The following WARS2 variants were observed in gnomAD, a reference collection of about 807,000 sequenced individuals.
WARS2 encodes the protein tryptophanyl tRNA synthetase 2, mitochondrial, also known as tryptophan--tRNA ligase, mitochondrial.
WARS2 carries 28 observed loss-of-function variants against 36.5 expected under a neutral mutation model. The observed-to-expected ratio is 0.77, with a 90% CI of 0.57 to 1.05. WARS2 has a LOEUF of 1.05. Ranked by LOEUF, WARS2 falls within the 50% of genes least tolerant of loss-of-function variation. WARS2 has a pLI of 0.00. For missense variants in WARS2, 435 were observed against 456.8 expected (o/e 0.95, Z 0.44); for synonymous variants, 174 against 178.4 (o/e 0.98, Z 0.20).
intron 1 of WARS2, among the ~76,000 whole-genome samples, chr1:119,124,763 T>C (rs980363450): frequency 5.3e-5 from 8 of 152,170 alleles, no homozygotes; most frequent in African/African-American, 1.9e-4. Context: ...AACCTTCCCA[T>C]GACTTCCCAG....
At chr1:119,082,036 T>C (rs745443363) in intron 1 of WARS2, among the ~76,000 whole-genome samples, 1 of 151,926 alleles carries the variant, frequency 6.6e-6, no homozygotes, top group Non-Finnish European at 1.5e-5. Context: ...ATAGAGTAAA[T>C]ATTAATTCAG....
At chr1:119,139,414 CTT>C (rs984282116) in intron 1 of WARS2, among the ~76,000 whole-genome samples, 28 of 152,278 alleles carry the variant, frequency 1.8e-4, no homozygotes, top group Middle Eastern at 3.4e-3. Flanking sequence ...CTCTCATTGG[CTT>C]TGTTTTGGCT....
chr1:119,126,944 G>C (rs1655705976), intron 1 of WARS2: 1 of 740,510 alleles, frequency 1.4e-6, no homozygotes, highest in Non-Finnish European at 2.4e-6. Context: ...ATCATTGTCT[G>C]CCATTTTTTG....
intron 1 of WARS2, among the ~76,000 whole-genome samples, chr1:119,125,116 G>A (rs1441126641): frequency 6.6e-6 from 1 of 152,180 alleles, no homozygotes; most frequent in African/African-American, 2.4e-5. Flanking sequence ...TACAGAAAAT[G>A]CTCACTCTCC....
At chr1:119,042,921 G>A (rs568122001) in intron 3 of WARS2, among the ~76,000 whole-genome samples, 1 of 152,314 alleles carries the variant, frequency 6.6e-6, no homozygotes, top group South Asian at 2.1e-4. Flanking sequence ...TTGATTCTTA[G>A]GTGATTAAGC....
chr1:119,107,921 T>C (rs1654359037), intron 1 of WARS2, among the ~76,000 whole-genome samples: 2 of 152,094 alleles, frequency 1.3e-5, no homozygotes, highest in African/African-American at 4.8e-5. Flanking sequence ...CTTTTTTTCA[T>C]CTACTGATAT....
chr1:119,042,069 T>C (rs200489456), intron 4 of WARS2, among the ~76,000 whole-genome samples, 195 bp downstream of exon 4: 2 of 152,352 alleles, frequency 1.3e-5, no homozygotes, highest in East Asian at 3.9e-4. Context: ...AACATACTTC[T>C]ATAATGTAGT....
chr1:119,047,458 G>C (rs1648958006), intron 2 of WARS2: 1 of 152,202 alleles, frequency 6.6e-6, no homozygotes, highest in Admixed American at 6.5e-5. Context: ...TTTCCTTGGA[G>C]TAGCTTTTTA....
Position 119,077,137 on chromosome 1 carries a change from CAAA to C in WARS2, c.91-533_91-531del, listed in dbSNP as rs59753812. Among the ~76,000 whole-genome samples the C allele has an allele frequency of 3.6e-4, 35 of 96,890 alleles. 1 individual carries two copies. The highest frequency in any genetic ancestry group is 6.3e-4 in the Non-Finnish European group (32 of 50,920). 63.6% of individuals were successfully genotyped at this position (96,890 alleles called of 152,430 possible). On this transcript the variant is annotated intron_variant, in intron 1 of 5. Coordinates refer to ENST00000235521, the MANE Select transcript of WARS2 (RefSeq NM_015836.4). ...TAGGCAACAGAGCGAGACCCCGTCT[CAAA>C]AAAAAAAAGGAAAAGATCTGCATCC...
intron 4 of WARS2, among the ~76,000 whole-genome samples, chr1:119,038,826 A>G (rs1648096743): frequency 6.6e-6 from 1 of 151,994 alleles, no homozygotes; most frequent in African/African-American, 2.4e-5. Flanking sequence ...GACTACAGGC[A>G]CACACCACCA....
At chr1:119,127,762 C>A (rs889915715) in intron 1 of WARS2, among the ~76,000 whole-genome samples, 8 of 152,146 alleles carry the variant, frequency 5.3e-5, no homozygotes, top group Admixed American at 2.6e-4. Flanking sequence ...TTGCTCTGGA[C>A]TACATTTTTT....
chr1:119,137,244 A>G (rs886713063), intron 1 of WARS2, among the ~76,000 whole-genome samples: 1 of 152,226 alleles, frequency 6.6e-6, no homozygotes, highest in Non-Finnish European at 1.5e-5. Context: ...AATTCTCTGT[A>G]CTAATTTTGC....
intron 2 of WARS2, among the ~76,000 whole-genome samples, chr1:119,068,521 C>T (rs985640961): frequency 3.3e-5 from 5 of 152,132 alleles, no homozygotes; most frequent in Non-Finnish European, 7.3e-5. Context: ...TCAACTTTTC[C>T]TTGGTCTCTT....
At chr1:119,129,730 A>AC (rs1419308729) in intron 1 of WARS2, among the ~76,000 whole-genome samples, 1 of 151,554 alleles carries the variant, frequency 6.6e-6, no homozygotes, top group Non-Finnish European at 1.5e-5. Context: ...ATAAAAATAA[A>AC]AAAAAAATAA....
chr1:119,110,314 A>T (rs1314201127), intron 1 of WARS2, among the ~76,000 whole-genome samples: 2 of 152,072 alleles, frequency 1.3e-5, no homozygotes, highest in African/African-American at 4.8e-5. Context: ...CTTGCAAGGC[A>T]GGTGTCCTGT....
At chr1:119,138,794 A>T (rs977660317) in intron 1 of WARS2, among the ~76,000 whole-genome samples, 3 of 152,210 alleles carry the variant, frequency 2.0e-5, no homozygotes, top group Non-Finnish European at 2.9e-5. Flanking sequence ...TCAAAGCTAA[A>T]TTAAAGGTTT....
At chr1:119,119,252 A>T (rs939985350) in intron 1 of WARS2, among the ~76,000 whole-genome samples, 1 of 152,176 alleles carries the variant, frequency 6.6e-6, no homozygotes, top group Non-Finnish European at 1.5e-5. Context: ...ATGGACACCA[A>T]AAGTGAGCAG....
At chr1:119,039,169 AATAG>A (rs1437494406) in intron 4 of WARS2, among the ~76,000 whole-genome samples, 1 of 152,212 alleles carries the variant, frequency 6.6e-6, no homozygotes, top group African/African-American at 2.4e-5. Context: ...GTGAGAACTG[AATAG>A]ATAATGAGTG....
chr1:119,034,054 AG>A, intron 5 of WARS2, 40 bp downstream of exon 5: 6 of 1,558,844 alleles, frequency 3.8e-6, no homozygotes, highest in Non-Finnish European at 3.5e-6. Context: ...TCCTCTCTTT[AG>A]AATATACCCT....
Sources: gnomAD v4.1 joint callset for allele counts (sites outside exome capture counted in the v4.1 genomes callset) on GRCh38, gnomAD v4.1.1 for gene constraint, MANE v1.5 for transcripts, NCBI Gene and HGNC (gene_info 2026-07-23, HGNC 2026-07-21) for gene names.